FRMD1: variants seen among roughly 807,000 people sequenced by gnomAD.
The protein encoded by FRMD1 is FERM domain containing 1, also known as FERM domain-containing protein 1.
FRMD1 carries 51 observed loss-of-function variants against 54.9 expected under a neutral mutation model. The observed-to-expected ratio is 0.93, with a 90% CI of 0.74 to 1.17. The LOEUF is 1.17. FRMD1 is among the 50% of genes most tolerant of loss of function. FRMD1 has a pLI of 0.00. For missense variants in FRMD1, 729 were observed against 743.0 expected (o/e 0.98, Z 0.22); for synonymous variants, 324 against 306.4 (o/e 1.06, Z -0.60).
chr6:168,062,731 G>T (rs781228836), intron 7 of FRMD1, 163 bp downstream of exon 7: 1 of 1,559,886 alleles, frequency 6.4e-7, no homozygotes, highest in Non-Finnish European at 8.7e-7. Flanking sequence ...GCGGAGCACG[G>T]TCCACCTCCT....
intron 2 of FRMD1, among the ~76,000 whole-genome samples, chr6:168,069,178 A>G (rs890569364): frequency 6.6e-6 from 1 of 152,220 alleles, no homozygotes; most frequent in African/African-American, 2.4e-5. Context: ...AGACTTGCAG[A>G]GTCTAGGGGA....
chr6:168,074,874 GTC>G (rs1271974949), intron 2 of FRMD1, among the ~76,000 whole-genome samples: 1 of 112,720 alleles, frequency 8.9e-6, no homozygotes, highest in Non-Finnish European at 1.9e-5. Context: ...ATGTGTACAT[GTC>G]AGTGGTGCGT....
intron 9 of FRMD1, 122 bp downstream of exon 9, chr6:168,060,639 C>T (rs1799670495): frequency 1.1e-6 from 1 of 951,352 alleles, no homozygotes; most frequent in Non-Finnish European, 1.5e-6. Flanking sequence ...CCCAGCCCCT[C>T]ACGTCTGGCC....
chr6:168,062,831 G>A, intron 7 of FRMD1, 63 bp downstream of exon 7: 1 of 1,604,318 alleles, frequency 6.2e-7, no homozygotes, highest in East Asian at 2.2e-5. Context: ...ACTCCAGTGG[G>A]GAAGGGAGGA....
At chr6:168,090,168 C>T (rs1800992152) in intron 1 of FRMD1, among the ~76,000 whole-genome samples, 1 of 152,082 alleles carries the variant, frequency 6.6e-6, no homozygotes, top group Admixed American at 6.5e-5. Context: ...GCTCGTCTCC[C>T]TCCTGAATGT....
chr6:168,090,724 T>G lies in FRMD1; in HGVS notation c.-12+10701A>C, dbSNP rs1456744029. 2.6e-5 allele frequency among the ~76,000 whole-genome samples: 4 copies of G among 152,246 alleles called. No homozygotes were observed. The South Asian group carries it at 8.3e-4, about 32-fold the overall frequency. ...TCTCCCCACTGCTGAGAGCAGTTCT[T>G]GGCCATGGCGCGTGCTTAGCAATGT... On this transcript the variant is annotated intron_variant, in intron 1 of 12. Coordinates refer to the FRMD1 transcript ENST00000644440.
chr6:168,092,708 T>C (rs115877042), intron 1 of FRMD1, among the ~76,000 whole-genome samples: 3,079 of 152,332 alleles, frequency 0.02, 107 homozygotes, highest in African/African-American at 0.07. Context: ...CCAGGGCTGA[T>C]TGTCTGTTGT....
At chr6:168,089,450 G>A (rs1800977892) in intron 1 of FRMD1, among the ~76,000 whole-genome samples, 1 of 152,240 alleles carries the variant, frequency 6.6e-6, no homozygotes, top group Admixed American at 6.5e-5. Context: ...GAAGGCGCCT[G>A]GGGTCTGGTC....
At position 168,061,943 on chromosome 6, in the gene FRMD1, T is replaced by C; in HGVS notation, c.909A>G (p.Ala303=). The change falls in exon 8 of 11, where the codon GCA becomes GCG. Residue 303 remains alanine, a synonymous_variant. Coordinates refer to ENST00000283309, the MANE Select transcript of FRMD1 (RefSeq NM_024919.6). The part of the protein sequence containing the change: ...KLEIQLDGLP[A]AQKLVYYTGC... ...CCGTGTAGTAAACCAGCTTCTGTGCTGCGGGCAGCCCATCCAGCTGGATCT... is the reference window on the plus strand; with the variant it reads ...CCGTGTAGTAAACCAGCTTCTGTGCCGCGGGCAGCCCATCCAGCTGGATCT... The C allele has an allele frequency of 6.2e-7, 1 of 1,600,790 alleles. No individual in the cohort carries two copies. The highest frequency in any genetic ancestry group is 8.5e-7 in the Non-Finnish European group (1 of 1,174,806).
At chr6:168,089,443 G>A (rs1385050075) in intron 1 of FRMD1, among the ~76,000 whole-genome samples, 1 of 152,246 alleles carries the variant, frequency 6.6e-6, no homozygotes, top group Non-Finnish European at 1.5e-5. Context: ...GCCTTGAGAA[G>A]GCGCCTGGGG....
chr6:168,085,133 C>T (rs1216394850), upstream of FRMD1, among the ~76,000 whole-genome samples: 4 of 152,232 alleles, frequency 2.6e-5, no homozygotes, highest in Admixed American at 1.3e-4. Flanking sequence ...CGGTTGGCCC[C>T]GAATAGAGTC....
At chr6:168,081,272 C>T, upstream of FRMD1, 8 of 1,366,140 alleles carry the variant, frequency 5.9e-6, no homozygotes, top group Non-Finnish European at 7.8e-6. Flanking sequence ...CCTCTGTCCT[C>T]AGCTCATCAA....
intron 1 of FRMD1, among the ~76,000 whole-genome samples, chr6:168,086,713 T>C (rs769182858): frequency 1.3e-5 from 2 of 152,242 alleles, no homozygotes; most frequent in African/African-American, 4.8e-5. Context: ...TGGGCCGTCG[T>C]CTGTCACCCC....
chr6:168,063,770 C>T lies in FRMD1; in HGVS notation c.649-14G>A, dbSNP rs372228355. ...CTTGGTGATGATCTGAGGACAGAGC[C>T]GGGAGGTCAGCTCAGACCCCTGCTG... On this transcript the variant is annotated splice_polypyrimidine_tract_variant and intron_variant, in intron 5 of 10. Transcript: ENST00000283309. 41 of 1,604,434 alleles carry T rather than the reference C, an allele frequency of 2.6e-5. No homozygotes were observed. Among genetic ancestry groups the T allele is most frequent in the African/African-American group, 2.3e-4 (17 of 74,510 alleles).
At chr6:168,075,833 G>C in intron 1 of FRMD1, 2 of 1,540,670 alleles carry the variant, frequency 1.3e-6, no homozygotes, top group Non-Finnish European at 1.8e-6. Context: ...TCTGGTGCGT[G>C]TCCCTGTTTC....
chr6:168,078,792 C>CCT (rs1800725495), intron 1 of FRMD1, 90 bp downstream of exon 1: 3 of 1,061,418 alleles, frequency 2.8e-6, no homozygotes, highest in Non-Finnish European at 3.7e-6. Flanking sequence ...CCACGGCCAC[C>CCT]CAGGGCCCTG....
intron 1 of FRMD1, among the ~76,000 whole-genome samples, chr6:168,076,115 C>T (rs1211362944): frequency 6.6e-6 from 1 of 152,288 alleles, no homozygotes; most frequent in African/African-American, 2.4e-5. Context: ...GCAGCAGAGG[C>T]AGCGTTCTCA....
chr6:168,078,538 ACGGCCC>A (rs1800691940), intron 1 of FRMD1, among the ~76,000 whole-genome samples: 1 of 107,612 alleles, frequency 9.3e-6, no homozygotes, highest in Non-Finnish European at 2.0e-5. Flanking sequence ...GCTCACCCCC[ACGGCCC>A]TGCTCACCCC....
At chr6:168,080,805 G>C (rs1372696380), upstream of FRMD1, among the ~76,000 whole-genome samples, 1 of 152,080 alleles carries the variant, frequency 6.6e-6, no homozygotes, top group African/African-American at 2.4e-5. Context: ...GTGTGTGCAG[G>C]TGCTGGTGTG....
Sources: gnomAD v4.1 joint callset for allele counts (sites outside exome capture counted in the v4.1 genomes callset) on GRCh38, gnomAD v4.1.1 for gene constraint, MANE v1.5 for transcripts, NCBI Gene and HGNC (gene_info 2026-07-23, HGNC 2026-07-21) for gene names.